Variants in CTPS2 observed in about 807,000 individuals in gnomAD.
CTPS2 encodes the protein CTP synthase II.
CTPS2 carries 19 observed loss-of-function variants against 46.8 expected under a neutral mutation model. The ratio of observed to expected loss-of-function variants is 0.41; its 90% CI spans 0.28 to 0.60. The LOEUF (loss-of-function observed/expected upper bound fraction) is 0.60, where lower values mean the gene tolerates loss of function less well. Ranked by LOEUF, CTPS2 falls within the 20% of genes least tolerant of loss-of-function variation. The probability of loss-of-function intolerance (pLI) is 0.35; values close to 1 mark genes in which losing one functional copy is unlikely to be tolerated. For missense variants in CTPS2, 286 were observed against 447.6 expected (o/e 0.64, Z 3.26); for synonymous variants, 151 against 165.2 (o/e 0.91, Z 0.66).
At chrX:16,679,704 G>A (rs1361349302) in intron 9 of CTPS2, among the ~76,000 whole-genome samples, 1 of 111,286 alleles carries the variant, frequency 9.0e-6, no homozygotes, top group African/African-American at 3.3e-5. Context: ...CATAGGAATA[G>A]GATTAGTGCC....
At chrX:16,649,224 G>A (rs747162649) in intron 13 of CTPS2, among the ~76,000 whole-genome samples, 1 of 112,092 alleles carries the variant, frequency 8.9e-6, no homozygotes, top group African/African-American at 3.2e-5. Flanking sequence ...GTAAGGAAAA[G>A]GATAATGAGA....
intron 14 of CTPS2, among the ~76,000 whole-genome samples, chrX:16,628,018 G>C (rs1931255304): frequency 9.0e-6 from 1 of 111,389 alleles, no homozygotes; most frequent in Non-Finnish European, 1.9e-5. Flanking sequence ...CCTTTCTTTT[G>C]TGCAAAATGG....
intron 14 of CTPS2, among the ~76,000 whole-genome samples, chrX:16,624,758 T>G (rs1931035593): frequency 8.9e-6 from 1 of 111,897 alleles, no homozygotes; most frequent in South Asian, 3.7e-4. Context: ...TTTCTTTCTG[T>G]CCTAGTCTTT....
At chrX:16,689,342 G>A in intron 8 of CTPS2, 108 bp downstream of exon 8, 1 of 745,649 alleles carries the variant, frequency 1.3e-6, no homozygotes, top group Non-Finnish European at 2.0e-6. Context: ...ACCAAAATGT[G>A]CACACGCAAA....
intron 14 of CTPS2, among the ~76,000 whole-genome samples, chrX:16,623,792 C>CTTTT (rs60328217): frequency 0.016 from 348 of 21,691 alleles, 63 homozygotes; most frequent in African/African-American, 0.045. Context: ...CCCCTCAATT[C>CTTTT]TTTTTTTTTT....
At chrX:16,616,337 C>G (rs984387613) in intron 16 of CTPS2, among the ~76,000 whole-genome samples, 2 of 112,379 alleles carry the variant, frequency 1.8e-5, no homozygotes, top group African/African-American at 6.5e-5. Context: ...AAAAACAACT[C>G]TGGGGGCAGT....
At chrX:16,682,884 G>A (rs1483070729) in intron 9 of CTPS2, among the ~76,000 whole-genome samples, 4 of 112,055 alleles carry the variant, frequency 3.6e-5, no homozygotes, top group Non-Finnish European at 7.5e-5. Context: ...CACCCTGCAC[G>A]ACTTTTCCTT....
chrX:16,600,046 T>C (rs1057004959), intron 17 of CTPS2, among the ~76,000 whole-genome samples: 1 of 112,601 alleles, frequency 8.9e-6, no homozygotes. Flanking sequence ...CCCAAAGTGC[T>C]GGGATTACAG....
intron 13 of CTPS2, among the ~76,000 whole-genome samples, chrX:16,657,927 C>T (rs1041094037): frequency 2.7e-5 from 3 of 111,641 alleles, no homozygotes; most frequent in African/African-American, 9.8e-5. Flanking sequence ...GAAAGGTGGC[C>T]GGGCGCAGTG....
chrX:16,702,264 C>A (rs1313279912), intron 2 of CTPS2, among the ~76,000 whole-genome samples: 1 of 111,439 alleles, frequency 9.0e-6, no homozygotes, highest in East Asian at 2.8e-4. Flanking sequence ...CTGTGTTAGC[C>A]AGGATGGTCT....
chrX:16,711,300 T>C (rs935979493), intron 1 of CTPS2, among the ~76,000 whole-genome samples: 1 of 112,008 alleles, frequency 8.9e-6, no homozygotes, highest in Non-Finnish European at 1.9e-5. Flanking sequence ...ATCTTTTTTG[T>C]GTACTAAGCT....
intron 17 of CTPS2, among the ~76,000 whole-genome samples, chrX:16,607,003 C>T (rs1003075992): frequency 2.7e-5 from 3 of 112,638 alleles, no homozygotes; most frequent in African/African-American, 9.7e-5. Flanking sequence ...CTGCCCACCT[C>T]GGCCTCCCAA....
chrX:16,634,686 C>T (rs909679003), intron 14 of CTPS2, among the ~76,000 whole-genome samples: 3 of 112,195 alleles, frequency 2.7e-5, no homozygotes, highest in African/African-American at 6.5e-5. Context: ...CAGTAGCTCA[C>T]GCCCATAATC....
chrX:16,613,250 A>G (rs745313303), intron 16 of CTPS2, among the ~76,000 whole-genome samples: 2 of 112,276 alleles, frequency 1.8e-5, no homozygotes, highest in East Asian at 5.6e-4. Context: ...CCATTTTTAC[A>G]GTATCCTGCA....
intron 17 of CTPS2, among the ~76,000 whole-genome samples, chrX:16,605,304 G>A (rs911551935): frequency 2.7e-5 from 3 of 111,890 alleles, no homozygotes; most frequent in Non-Finnish European, 5.6e-5. Flanking sequence ...GAAGGAAGGC[G>A]AACTCGACGT....
At chrX:16,675,782 G>A (rs1922219685) in intron 10 of CTPS2, among the ~76,000 whole-genome samples, 1 of 112,077 alleles carries the variant, frequency 8.9e-6, no homozygotes, top group South Asian at 3.7e-4. Flanking sequence ...TTTGGAGATT[G>A]TGACAGCAGA....
chrX:16,679,080 G>A (rs769168801), intron 9 of CTPS2, among the ~76,000 whole-genome samples: 1 of 110,967 alleles, frequency 9.0e-6, no homozygotes, highest in Admixed American at 9.6e-5. Flanking sequence ...CCAGCAGGCC[G>A]GGCGCATTGG....
chrX:16,659,342 A>G (rs1465711109), intron 13 of CTPS2, among the ~76,000 whole-genome samples: 5 of 111,677 alleles, frequency 4.5e-5, no homozygotes. Context: ...GGATTCATCA[A>G]AAAAGTAGCA....
At chrX:16,669,323 A>G (rs1921520205) in intron 11 of CTPS2, among the ~76,000 whole-genome samples, 1 of 109,738 alleles carries the variant, frequency 9.1e-6, no homozygotes, top group South Asian at 4.0e-4. Flanking sequence ...CCTCCGATAG[A>G]TACTTAAGAT....
Sources: gnomAD v4.1 joint callset for allele counts (sites outside exome capture counted in the v4.1 genomes callset) on GRCh38, gnomAD v4.1.1 for gene constraint, MANE v1.5 for transcripts, NCBI Gene and HGNC (gene_info 2026-07-23, HGNC 2026-07-21) for gene names.